The following ADARB2 variants were observed in gnomAD, a reference collection of about 807,000 sequenced individuals.
The protein encoded by ADARB2 is inactive double-stranded RNA-specific editase B2.
In ADARB2, 25 loss-of-function variants were observed where a neutral mutation model predicts 62.2. That is an observed-to-expected ratio of 0.40 (90% confidence interval 0.29 to 0.56). ADARB2 has a LOEUF of 0.56. ADARB2 is among the 20% of genes least tolerant of loss of function. The probability of loss-of-function intolerance (pLI) is 0.43; values close to 1 mark genes in which losing one functional copy is unlikely to be tolerated. For missense variants in ADARB2, 1,071 were observed against 1,077.4 expected, an observed-to-expected ratio of 0.99 and a Z score of 0.08; for synonymous variants, 572 against 500.8, an observed-to-expected ratio of 1.14 and a Z score of -1.90.
intron 4 of ADARB2, among the ~76,000 whole-genome samples, chr10:1,264,117 G>A (rs766403183): frequency 1.4e-4 from 21 of 151,990 alleles, no homozygotes; most frequent in Admixed American, 2.6e-4. Flanking sequence ...CACAGCATCA[G>A]CTTCACATTT....
At chr10:1,583,652 T>C (rs148731740) in intron 1 of ADARB2, among the ~76,000 whole-genome samples, 1 of 152,370 alleles carries the variant, frequency 6.6e-6, no homozygotes, top group East Asian at 1.9e-4. Flanking sequence ...AAGATGTCAC[T>C]TCTTCCTCAC....
At chr10:1,337,387 T>C (rs1335491524) in intron 3 of ADARB2, among the ~76,000 whole-genome samples, 2 of 152,310 alleles carry the variant, frequency 1.3e-5, no homozygotes, top group East Asian at 3.9e-4. Context: ...CACCAAATGC[T>C]GGGCATCCCA....
intron 1 of ADARB2, among the ~76,000 whole-genome samples, chr10:1,494,894 A>G (rs1352625815): frequency 1.3e-5 from 2 of 152,274 alleles, no homozygotes; most frequent in East Asian, 3.9e-4. Context: ...CCATTCTCCA[A>G]ACTACAGTCT....
At chr10:1,563,787 C>T (rs1192954750) in intron 1 of ADARB2, among the ~76,000 whole-genome samples, 1 of 119,016 alleles carries the variant, frequency 8.4e-6, no homozygotes, top group African/African-American at 3.2e-5. Flanking sequence ...CCCCTCCCCC[C>T]ACCCCACAAC....
At position 1,704,815 on chromosome 10, in the gene ADARB2, G is replaced by T. The variant is rs1250618513; in HGVS notation, c.100+32236C>A. On this transcript the variant is annotated intron_variant, in intron 1 of 9. Transcript: ENST00000381312. This position sits in a 1 kb window ranked among gnomAD's most constrained non-coding sequence, Gnocchi z 5.6. The stretch of plus-strand genomic sequence containing the variant: ...GGTCAAGATGTTAAAGGGGCAGGGA[G>T]TATTGAGAACGGTGAGCTTGCATAT... Among the ~76,000 whole-genome samples, 1 of 152,188 alleles carries T rather than the reference G, an allele frequency of 6.6e-6. No homozygotes were observed. The highest frequency in any genetic ancestry group is 2.4e-5 in the African/African-American group (1 of 41,434).
intron 6 of ADARB2, among the ~76,000 whole-genome samples, chr10:1,229,845 C>CGTGTGT (rs761808070): frequency 7.5e-5 from 9 of 120,120 alleles, no homozygotes; most frequent in Non-Finnish European, 1.2e-4. Flanking sequence ...CATGTGCTTA[C>CGTGTGT]GTGTGTGTGT....
At chr10:1,486,726 G>A (rs1831547199) in intron 1 of ADARB2, among the ~76,000 whole-genome samples, 1 of 152,168 alleles carries the variant, frequency 6.6e-6, no homozygotes, top group African/African-American at 2.4e-5. Flanking sequence ...GGTGACCAGG[G>A]TTGGTGGGGA....
intron 8 of ADARB2, among the ~76,000 whole-genome samples, chr10:1,188,438 C>T (rs1051042921): frequency 3.9e-5 from 6 of 152,192 alleles, no homozygotes; most frequent in East Asian, 3.8e-4. Context: ...GTTCCTTTCA[C>T]GGAAAACACA....
At chr10:1,653,260 C>T (rs1158368346) in intron 1 of ADARB2, among the ~76,000 whole-genome samples, 2 of 152,140 alleles carry the variant, frequency 1.3e-5, no homozygotes, top group African/African-American at 4.8e-5. Context: ...TGCCTGGGGT[C>T]CCAGTCATGG....
chr10:1,497,952 T>C (rs1373452425), intron 1 of ADARB2, among the ~76,000 whole-genome samples: 2 of 152,032 alleles, frequency 1.3e-5, no homozygotes, highest in Non-Finnish European at 2.9e-5. Flanking sequence ...GTTTTAGAGG[T>C]AGAGAAAATG....
intron 1 of ADARB2, among the ~76,000 whole-genome samples, chr10:1,642,614 G>A (rs1833991744): frequency 6.6e-6 from 1 of 152,124 alleles, no homozygotes; most frequent in African/African-American, 2.4e-5. Flanking sequence ...TACTAGAGTT[G>A]ACCTGCTACC....
At chr10:1,332,412 T>A (rs1831936418) in intron 3 of ADARB2, among the ~76,000 whole-genome samples, 1 of 138,990 alleles carries the variant, frequency 7.2e-6, no homozygotes, top group Non-Finnish European at 1.6e-5. Flanking sequence ...TGAGACCTTG[T>A]CTCAGAAAAA....
intron 1 of ADARB2, among the ~76,000 whole-genome samples, chr10:1,386,778 A>T (rs557628564): frequency 5.9e-5 from 9 of 152,066 alleles, no homozygotes; most frequent in Admixed American, 3.9e-4. Flanking sequence ...TAGAACAAAA[A>T]ATTAGAAGAA....
intron 1 of ADARB2, among the ~76,000 whole-genome samples, chr10:1,566,312 C>A (rs143939311): frequency 6.6e-6 from 1 of 152,094 alleles, no homozygotes; most frequent in African/African-American, 2.4e-5. Context: ...TTAACAGCAT[C>A]CTGGTTTAGA....
In ADARB2 at chr10:1,182,970, A is replaced by T. The variant is rs904959; in HGVS notation, c.*223T>A. The T allele has an allele frequency of 7.1e-6, 4 of 559,934 alleles. No individual in the cohort carries two copies. The South Asian group carries it at 8.7e-5, about 12-fold the overall frequency. The allele number at this position is 559,934 out of a possible 1,614,324, so 34.7% of individuals were successfully genotyped here. On this transcript the variant is annotated 3_prime_UTR_variant, in exon 10 of 10. Transcript: ENST00000381312. Reference sequence around the variant, plus strand: ...AGAGTCGGCGCTAACTCAACAGTGCATGTGCCCCTGGGTGTGGGGGACAGG... The same window carrying T: ...AGAGTCGGCGCTAACTCAACAGTGCTTGTGCCCCTGGGTGTGGGGGACAGG...
At chr10:1,301,083 A>G (rs145326582) in intron 3 of ADARB2, among the ~76,000 whole-genome samples, 1 of 152,342 alleles carries the variant, frequency 6.6e-6, no homozygotes, top group East Asian at 1.9e-4. Flanking sequence ...AGCACTGGTC[A>G]GAAAGCTCAC....
chr10:1,672,366 G>A (rs1834397448), intron 1 of ADARB2, among the ~76,000 whole-genome samples: 2 of 152,130 alleles, frequency 1.3e-5, no homozygotes, highest in African/African-American at 4.8e-5. Flanking sequence ...AATCCTTCTT[G>A]AAGGAACGCT....
chr10:1,470,193 C>G (rs772715214), intron 1 of ADARB2, among the ~76,000 whole-genome samples: 2 of 151,968 alleles, frequency 1.3e-5, no homozygotes, highest in Non-Finnish European at 2.9e-5. Context: ...TAGCCACTTA[C>G]ACACCCATTT....
intron 3 of ADARB2, among the ~76,000 whole-genome samples, chr10:1,331,325 T>C (rs951486790): frequency 5.9e-5 from 9 of 152,202 alleles, no homozygotes; most frequent in African/African-American, 2.2e-4. Flanking sequence ...GCAATATTCA[T>C]AATAGACAAA....
Sources: gnomAD v4.1 joint callset for allele counts (sites outside exome capture counted in the v4.1 genomes callset) on GRCh38, gnomAD v4.1.1 for gene constraint, Gnocchi (gnomAD v3.1) non-coding constraint, MANE v1.5 for transcripts, NCBI Gene and HGNC (gene_info 2026-07-23, HGNC 2026-07-21) for gene names.